GALNT9: variants seen among roughly 807,000 people sequenced by gnomAD.
The protein encoded by GALNT9 is GalNAc transferase 9.
A neutral mutation model predicts 63.1 loss-of-function variants in GALNT9; 47 were observed. The ratio of observed to expected loss-of-function variants is 0.75; its 90% confidence interval spans 0.59 to 0.95. The LOEUF is 0.95. Among genes scored for constraint, GALNT9 ranks in the 40% least tolerant of loss-of-function variants. GALNT9 has a pLI of 0.00. For synonymous variants in GALNT9, 396 were observed against 365.7 expected, an observed-to-expected ratio of 1.08 and a Z score of -0.94; for missense variants, 829 against 874.8, an observed-to-expected ratio of 0.95 and a Z score of 0.66.
rs117380818 is a variant in GALNT9, at chr12:132,302,892, G to C, written c.239-16462C>G. Among the ~76,000 whole-genome samples, 1,007 of 152,268 alleles carry C rather than the reference G, an allele frequency of 6.6e-3. 8 individuals carry two copies. Among genetic ancestry groups the C allele is most frequent in the Non-Finnish European group, 0.01 (697 of 68,014 alleles). ...GGAAGTGGGAGCGCAGAGGAGCTTT[G>C]AGCTGAGAGGGAGAGAGGAGGGTGG... On this transcript the variant is annotated intron_variant, in intron 1 of 10. Transcript: ENST00000328957.
At chr12:132,201,619 G>T (rs910296763) in intron 7 of GALNT9, among the ~76,000 whole-genome samples, 1 of 144,696 alleles carries the variant, frequency 6.9e-6, no homozygotes, top group African/African-American at 2.6e-5. Context: ...CCTCTGGAGG[G>T]TGGAGACTGA....
Position 132,310,042 on chromosome 12 carries a change from T to C in GALNT9, c.238+18924A>G, listed in dbSNP as rs1881757942. ...TGCTGGGTGGAATTTCTGAGAAATA[T>C]GTCTAAAAAAGGAGACTGCTGGAAT... On this transcript the variant is annotated intron_variant, in intron 1 of 10. Transcript: ENST00000328957. The surrounding 1 kb of genome is among the most constrained non-coding windows in gnomAD (Gnocchi z 4.8). Among the ~76,000 whole-genome samples, 1 of 152,204 alleles carries C rather than the reference T, an allele frequency of 6.6e-6. No individual in the cohort carries two copies. Among genetic ancestry groups the C allele is most frequent in the Non-Finnish European group, 1.5e-5 (1 of 68,030 alleles).
Position 132,196,488 on chromosome 12 carries a change from C to T in GALNT9, c.*619G>A. On this transcript the variant is annotated 3_prime_UTR_variant, in exon 11 of 11. Transcript: ENST00000328957. ...GGGCCCCAACCCCCAGCTCGGCTCC[C>T]AGGAAGACACACACAGTGCTGCTGC... is the stretch of plus-strand genomic sequence containing the variant. The T allele has an allele frequency of 1.0e-6, 1 of 985,586 alleles. No homozygotes were observed. The highest frequency in any genetic ancestry group is 1.2e-6 in the Non-Finnish European group (1 of 830,032). 61.1% of individuals were successfully genotyped at this position (985,586 alleles called of 1,614,324 possible).
chr12:132,286,706 A>G lies in GALNT9; in HGVS notation c.239-276T>C, dbSNP rs1484058080. ...ACTCTGTGTGATGCTGCAATGGTGG[A>G]TATCTGTTATTATTATGTATTTTTT... On this transcript the variant is annotated intron_variant, in intron 1 of 10. Transcript: ENST00000328957. This position sits in a 1 kb window ranked among gnomAD's most constrained non-coding sequence, Gnocchi z 7.4. Among the ~76,000 whole-genome samples the G allele has an allele frequency of 2.0e-5, 3 of 151,986 alleles. No individual in the cohort carries two copies. Among genetic ancestry groups the G allele is most frequent in the African/African-American group, 7.2e-5 (3 of 41,382 alleles).
At chr12:132,227,176 G>C (rs1192937950) in intron 6 of GALNT9, among the ~76,000 whole-genome samples, 1 of 152,172 alleles carries the variant, frequency 6.6e-6, no homozygotes, top group Non-Finnish European at 1.5e-5. Flanking sequence ...GAAATGGCTA[G>C]GGCATGAGGA....
At chr12:132,206,944 G>A (rs115773241) in intron 6 of GALNT9, among the ~76,000 whole-genome samples, 4,921 of 152,030 alleles carry the variant, frequency 0.032, 253 homozygotes, top group African/African-American at 0.11. Flanking sequence ...GCATGCCTGC[G>A]GTCCCAGCTG....
intron 5 of GALNT9, among the ~76,000 whole-genome samples, chr12:132,257,185 C>T (rs955502729): frequency 6.6e-6 from 1 of 152,222 alleles, no homozygotes; most frequent in Admixed American, 6.5e-5. Flanking sequence ...ATGTCAAACA[C>T]AAGGCGATCC....
At chr12:132,267,866 G>T (rs565788746) in intron 2 of GALNT9, among the ~76,000 whole-genome samples, 14 of 115,636 alleles carry the variant, frequency 1.2e-4, no homozygotes, top group Non-Finnish European at 2.0e-4. Context: ...ACACACACAC[G>T]CATACAACCC....
intron 6 of GALNT9, among the ~76,000 whole-genome samples, chr12:132,231,015 T>G (rs1458621536): frequency 6.9e-6 from 1 of 144,202 alleles, no homozygotes; most frequent in Non-Finnish European, 1.5e-5. Context: ...GTGGAGTCCC[T>G]AGTGCCACAC....
chr12:132,228,965 G>A (rs1877800092), intron 6 of GALNT9, among the ~76,000 whole-genome samples: 2 of 152,338 alleles, frequency 1.3e-5, no homozygotes, highest in South Asian at 4.1e-4. Flanking sequence ...TAATTGGGCT[G>A]AATTGATCAG....
intron 1 of GALNT9, among the ~76,000 whole-genome samples, chr12:132,320,754 G>C (rs143900999): frequency 6.6e-6 from 1 of 152,154 alleles, no homozygotes; most frequent in East Asian, 1.9e-4. Flanking sequence ...CTCGGGGTTG[G>C]AGAATCATCA....
chr12:132,325,173 G>C (rs1388188383), intron 1 of GALNT9, among the ~76,000 whole-genome samples: 1 of 152,274 alleles, frequency 6.6e-6, no homozygotes, highest in Admixed American at 6.5e-5. Flanking sequence ...GGAGTCTCCA[G>C]GCTGTTCCCA....
chr12:132,277,095 C>T (rs975153229), intron 2 of GALNT9, among the ~76,000 whole-genome samples: 11 of 152,210 alleles, frequency 7.2e-5, no homozygotes, highest in Non-Finnish European at 1.5e-4. Context: ...CCCTGTCAAA[C>T]CAAACCAATC....
intron 2 of GALNT9, among the ~76,000 whole-genome samples, chr12:132,270,900 G>C (rs1879839191): frequency 6.6e-6 from 1 of 152,140 alleles, no homozygotes; most frequent in Admixed American, 6.5e-5. Context: ...AGAGGAGACA[G>C]GAGGCAGAGA....
chr12:132,289,281 G>A (rs564823660), intron 1 of GALNT9, among the ~76,000 whole-genome samples: 13 of 152,116 alleles, frequency 8.5e-5, no homozygotes, highest in Non-Finnish European at 1.8e-4. Flanking sequence ...CATTCTCTTG[G>A]TTTTCATCTC....
intron 2 of GALNT9, among the ~76,000 whole-genome samples, chr12:132,271,571 T>A (rs1030007516): frequency 5.3e-5 from 8 of 152,052 alleles, no homozygotes; most frequent in Non-Finnish European, 1.2e-4. Context: ...GTGTGACAAG[T>A]GTCCCTCCAG....
At position 132,279,127 on chromosome 12, in the gene GALNT9, G is replaced by A. The variant is rs544583617; in HGVS notation, c.419+7123C>T. 5.3e-4 allele frequency: 81 copies of A among 152,448 alleles called. No homozygotes were observed. Among genetic ancestry groups the A allele is most frequent in the African/African-American group, 1.8e-3 (76 of 41,574 alleles). The allele number at this position is 152,448 out of a possible 1,614,324, so 9.4% of individuals were successfully genotyped here. Reference sequence around the variant, plus strand: ...GGGCTCTGCATTCCCCAGTAACCCAGGTTTCTGCTGGGGCTGCTCCCCAGC... The same window carrying A: ...GGGCTCTGCATTCCCCAGTAACCCAAGTTTCTGCTGGGGCTGCTCCCCAGC... On this transcript the variant is annotated intron_variant, in intron 2 of 10. Coordinates refer to ENST00000328957, the MANE Select transcript of GALNT9 (RefSeq NM_001122636.2). This position sits in a 1 kb window ranked among gnomAD's most constrained non-coding sequence, Gnocchi z 4.1.
chr12:132,239,331 G>GAC (rs1200324459), intron 6 of GALNT9, among the ~76,000 whole-genome samples: 1 of 73,918 alleles, frequency 1.4e-5, no homozygotes, highest in Non-Finnish European at 2.6e-5. Context: ...GAGAGAGAGA[G>GAC]ACAGAGTCAG....
intron 6 of GALNT9, among the ~76,000 whole-genome samples, chr12:132,210,865 A>G (rs7312927): frequency 0.015 from 2,176 of 149,970 alleles, 48 homozygotes; most frequent in African/African-American, 0.05. Context: ...GGCGGTTGCC[A>G]TCTGGAGGTC....
Sources: allele counts gnomAD v4.1 joint callset (sites outside exome capture counted in the v4.1 genomes callset), GRCh38; gene constraint gnomAD v4.1.1; non-coding constraint Gnocchi (gnomAD v3.1); transcripts MANE v1.5; gene names NCBI Gene and HGNC (gene_info 2026-07-23, HGNC 2026-07-21).